Variants in ARHGEF38 observed in about 807,000 individuals in gnomAD.
ARHGEF38 encodes Rho guanine nucleotide exchange factor (GEF) 38.
ARHGEF38 carries 79 observed loss-of-function variants against 79.9 expected under a neutral mutation model. The ratio of observed to expected loss-of-function variants is 0.99; its 90% CI spans 0.82 to 1.19. The LOEUF (loss-of-function observed/expected upper bound fraction) is 1.19. Among genes scored for constraint, ARHGEF38 ranks in the 50% most tolerant of loss-of-function variants. The pLI is 0.00. For synonymous variants in ARHGEF38, 366 were observed against 328.3 expected, an observed-to-expected ratio of 1.11 and a Z score of -1.24; for missense variants, 962 against 907.2, an observed-to-expected ratio of 1.06 and a Z score of -0.78.
At chr4:105,605,969 A>G (rs947429034) in intron 2 of ARHGEF38, among the ~76,000 whole-genome samples, 1 of 152,028 alleles carries the variant, frequency 6.6e-6, no homozygotes, top group Admixed American at 6.6e-5. Flanking sequence ...CTTCCACCTT[A>G]CTGCAGTCTC....
chr4:105,647,359 TA>T (rs1729888828), intron 6 of ARHGEF38, among the ~76,000 whole-genome samples: 1 of 152,196 alleles, frequency 6.6e-6, no homozygotes, highest in Non-Finnish European at 1.5e-5. Context: ...TTTGTTTTTT[TA>T]AAAACTTAAT....
chr4:105,552,643 G>T lies in ARHGEF38; in HGVS notation c.-123G>T. ...GCAGTCACAGCCAGGTAACCCTGGA[G>T]TGAAGCGGTTTAGTTAGAAGGGAGC... On this transcript the variant is annotated 5_prime_UTR_variant, in exon 1 of 14. Transcript: ENST00000420470. 4.2e-6 allele frequency: 3 copies of T among 708,222 alleles called. No homozygotes were observed. In the South Asian group the frequency reaches 8.2e-5, roughly 19 times the overall value. The allele number at this position is 708,222 out of a possible 1,614,324, so 43.9% of individuals were successfully genotyped here.
intron 1 of ARHGEF38, among the ~76,000 whole-genome samples, chr4:105,585,656 T>C (rs1726998111): frequency 6.6e-6 from 1 of 150,618 alleles, no homozygotes; most frequent in African/African-American, 2.4e-5. Flanking sequence ...TATTTTATTA[T>C]ATGCAAACTA....
At chr4:105,634,373 T>C (rs1190465330) in intron 4 of ARHGEF38, among the ~76,000 whole-genome samples, 1 of 152,124 alleles carries the variant, frequency 6.6e-6, no homozygotes, top group Non-Finnish European at 1.5e-5. Context: ...GCCTACAAAT[T>C]GGAAATTAGC....
At chr4:105,606,759 A>C (rs1728058972) in intron 2 of ARHGEF38, among the ~76,000 whole-genome samples, 1 of 152,122 alleles carries the variant, frequency 6.6e-6, no homozygotes, top group African/African-American at 2.4e-5. Context: ...TTAAGGCAAA[A>C]AAAATTTAAA....
chr4:105,616,992 A>G (rs1022438608), intron 3 of ARHGEF38, among the ~76,000 whole-genome samples: 3 of 152,234 alleles, frequency 2.0e-5, no homozygotes, highest in African/African-American at 7.2e-5. Context: ...CCTATGAGAA[A>G]TATAAAACAA....
intron 13 of ARHGEF38, among the ~76,000 whole-genome samples, chr4:105,674,856 T>TA (rs1262149102): frequency 1.3e-5 from 2 of 152,008 alleles, no homozygotes; most frequent in Admixed American, 1.3e-4. Flanking sequence ...TGTGCTAAAG[T>TA]AAAAAACTAC....
At chr4:105,607,113 C>T (rs899273107) in intron 2 of ARHGEF38, among the ~76,000 whole-genome samples, 4 of 152,044 alleles carry the variant, frequency 2.6e-5, no homozygotes, top group African/African-American at 9.7e-5. Flanking sequence ...GCCGATTCAT[C>T]CAGTGCTCAT....
chr4:105,583,692 A>T (rs199329), intron 1 of ARHGEF38, among the ~76,000 whole-genome samples: 147,879 of 152,326 alleles, frequency 0.97, 71,784 homozygotes, highest in East Asian at 1. Context: ...AACTAGAAGT[A>T]AAGTTCCATA....
chr4:105,670,646 G>A (rs150126021), intron 13 of ARHGEF38, among the ~76,000 whole-genome samples: 34 of 152,074 alleles, frequency 2.2e-4, no homozygotes, highest in Non-Finnish European at 3.2e-4. Context: ...CTGTCTTGAT[G>A]TTTCAAAACA....
chr4:105,590,120 AAG>A (rs1727263170), intron 2 of ARHGEF38, among the ~76,000 whole-genome samples: 1 of 142,686 alleles, frequency 7.0e-6, no homozygotes, highest in African/African-American at 3.0e-5. Flanking sequence ...GGAAGGAAGG[AAG>A]GAAGGAAAGA....
intron 2 of ARHGEF38, among the ~76,000 whole-genome samples, chr4:105,599,370 CATTTCCCA>C (rs1013168322): frequency 6.6e-6 from 1 of 152,106 alleles, no homozygotes; most frequent in African/African-American, 2.4e-5. Flanking sequence ...AAAATGAATG[CATTTCCCA>C]ATTCAGTGCA....
chr4:105,636,602 C>T (rs1446270882), intron 5 of ARHGEF38, among the ~76,000 whole-genome samples, 182 bp downstream of exon 5: 1 of 151,974 alleles, frequency 6.6e-6, no homozygotes, highest in Non-Finnish European at 1.5e-5. Flanking sequence ...ATTATTATCA[C>T]ATATACTTTA....
intron 3 of ARHGEF38, among the ~76,000 whole-genome samples, chr4:105,626,996 G>A (rs943638146): frequency 4.6e-5 from 7 of 151,948 alleles, no homozygotes; most frequent in Admixed American, 6.6e-5. Flanking sequence ...TATGAGTGTT[G>A]CTCAAAGCTC....
chr4:105,606,605 G>A (rs1217130533), intron 2 of ARHGEF38, among the ~76,000 whole-genome samples: 2 of 152,032 alleles, frequency 1.3e-5, no homozygotes, highest in African/African-American at 4.8e-5. Flanking sequence ...TTAGCTAAGA[G>A]CTGATTATAA....
At chr4:105,655,794 T>C in intron 9 of ARHGEF38, 72 bp downstream of exon 9, 2 of 1,447,702 alleles carry the variant, frequency 1.4e-6, no homozygotes, top group South Asian at 2.9e-5. Context: ...TTTTTGTTTG[T>C]TTTTCTGGAG....
At chr4:105,608,963 C>A (rs1728173498) in intron 2 of ARHGEF38, among the ~76,000 whole-genome samples, 1 of 152,054 alleles carries the variant, frequency 6.6e-6, no homozygotes, top group Non-Finnish European at 1.5e-5. Flanking sequence ...CAAGTTGTCT[C>A]TCAACTCTGA....
chr4:105,660,820 A>T (rs1010913288), intron 10 of ARHGEF38, among the ~76,000 whole-genome samples: 2 of 152,078 alleles, frequency 1.3e-5, no homozygotes, highest in African/African-American at 2.4e-5. Flanking sequence ...CCCTTTTTTT[A>T]AAATAACTTT....
rs543185391 is a variant in ARHGEF38 at position 105,553,965 on chromosome 4, A to C, written c.196+1004A>C. ...CACAAATATGAGCTTAGATTTAGTTATGCAAATTAATTAAGTTAAATAAGT... is the reference window on the plus strand; with the variant it reads ...CACAAATATGAGCTTAGATTTAGTTCTGCAAATTAATTAAGTTAAATAAGT... On this transcript the variant is annotated intron_variant, in intron 1 of 13. Transcript: ENST00000420470. Among the ~76,000 whole-genome samples, 3 of 152,300 alleles carry C rather than the reference A, an allele frequency of 2.0e-5. No homozygotes were observed. In the South Asian group the frequency reaches 6.2e-4, roughly 32 times the overall value.
Sources: gnomAD v4.1 joint callset for allele counts (sites outside exome capture counted in the v4.1 genomes callset) on GRCh38, gnomAD v4.1.1 for gene constraint, MANE v1.5 for transcripts, NCBI Gene and HGNC (gene_info 2026-07-23, HGNC 2026-07-21) for gene names.